The following FMNL2 variants were observed in gnomAD, a reference collection of about 807,000 sequenced individuals.
FMNL2 encodes formin like 2.
Under a neutral mutation model 130.2 loss-of-function variants are expected in FMNL2, and 51 were observed. The ratio of observed to expected loss-of-function variants is 0.39; its 90% CI spans 0.31 to 0.49. The LOEUF (loss-of-function observed/expected upper bound fraction) is 0.49. Among genes scored for constraint, FMNL2 ranks in the 20% least tolerant of loss-of-function variants. The pLI is 0.85. For missense variants in FMNL2, 977 were observed against 1,316.2 expected (o/e 0.74, Z 3.99); for synonymous variants, 465 against 467.1 (o/e 1.00, Z 0.06).
chr2:152,431,701 C>T (rs573256759), intron 1 of FMNL2, among the ~76,000 whole-genome samples: 1 of 152,130 alleles, frequency 6.6e-6, no homozygotes, highest in Non-Finnish European at 1.5e-5. Context: ...GTGTGAGGCT[C>T]ATGCCTGTAA....
chr2:152,633,689 CCTTTT>C (rs1238728106), intron 21 of FMNL2, among the ~76,000 whole-genome samples: 1 of 152,204 alleles, frequency 6.6e-6, no homozygotes, highest in African/African-American at 2.4e-5. Flanking sequence ...TGATTTTCCT[CCTTTT>C]AAGTTTCCCT....
chr2:152,509,737 CTTTTTTTTTTT>C lies in FMNL2; in HGVS notation c.118-12190_118-12180del, dbSNP rs138976882. 4.4e-4 allele frequency among the ~76,000 whole-genome samples: 26 copies of C among 58,686 alleles called. 1 individual carries two copies. Among genetic ancestry groups the C allele is most frequent in the African/African-American group, 1.5e-3 (21 of 14,036 alleles). 38.5% of individuals were successfully genotyped at this position (58,686 alleles called of 152,430 possible). A position where few individuals can be genotyped will look rare whatever the true frequency, so the allele number is the denominator to read the frequency against. On this transcript the variant is annotated intron_variant, in intron 1 of 25. Transcript: ENST00000288670. The stretch of plus-strand genomic sequence containing the variant: ...GAGAAGGTATATCTGTACTCTGGAC[CTTTTTTTTTTT>C]TTTTTTTTTTTTTTTGAGAGAGGGT...
chr2:152,566,367 C>T (rs1368989790), intron 6 of FMNL2, among the ~76,000 whole-genome samples: 1 of 152,174 alleles, frequency 6.6e-6, no homozygotes, highest in Non-Finnish European at 1.5e-5. Flanking sequence ...CTAAGGGCCT[C>T]GGGGGATTTG....
chr2:152,396,795 A>C (rs1579566268), intron 1 of FMNL2, among the ~76,000 whole-genome samples: 1 of 152,162 alleles, frequency 6.6e-6, no homozygotes, highest in East Asian at 1.9e-4. Flanking sequence ...GTGACTTTCC[A>C]CTTGCCATTT....
chr2:152,585,567 AAAT>A (rs1388986190), intron 9 of FMNL2, among the ~76,000 whole-genome samples: 19 of 152,322 alleles, frequency 1.2e-4, no homozygotes, highest in African/African-American at 4.6e-4. Flanking sequence ...CAGGCTTGGA[AAAT>A]GGGCAGGCAT....
chr2:152,410,572 CAGG>C (rs1290486610), intron 1 of FMNL2, among the ~76,000 whole-genome samples: 1 of 152,154 alleles, frequency 6.6e-6, no homozygotes, highest in Non-Finnish European at 1.5e-5. Flanking sequence ...CTCACTGACT[CAGG>C]AGGAATGCTA....
At chr2:152,412,444 T>TTTTATA (rs1313558324) in intron 1 of FMNL2, among the ~76,000 whole-genome samples, 1 of 103,352 alleles carries the variant, frequency 9.7e-6, no homozygotes, top group African/African-American at 4.0e-5. Context: ...CTTCTGTATA[T>TTTTATA]TTTATATATA....
intron 1 of FMNL2, among the ~76,000 whole-genome samples, chr2:152,450,530 G>A (rs898765311): frequency 1.3e-5 from 2 of 152,120 alleles, no homozygotes; most frequent in African/African-American, 2.4e-5. Context: ...TTGTTTATTC[G>A]AAAAACCATT....
intron 1 of FMNL2, among the ~76,000 whole-genome samples, chr2:152,376,439 G>A (rs982461394): frequency 1.3e-5 from 2 of 152,198 alleles, no homozygotes; most frequent in Admixed American, 6.5e-5. Context: ...ACTCTTGGAG[G>A]AGAGGAGGAT....
chr2:152,647,263 T>G (rs1478844758), intron 25 of FMNL2, among the ~76,000 whole-genome samples: 3 of 152,220 alleles, frequency 2.0e-5, no homozygotes, highest in Non-Finnish European at 4.4e-5. Flanking sequence ...TTGAACATCA[T>G]TTTGTTTAAA....
intron 1 of FMNL2, among the ~76,000 whole-genome samples, chr2:152,481,775 C>T (rs192380198): frequency 6.6e-6 from 1 of 152,322 alleles, no homozygotes; most frequent in East Asian, 1.9e-4. Flanking sequence ...AAATTGGTGT[C>T]ATGTTTGCAG....
At chr2:152,455,651 G>C (rs1360978516) in intron 1 of FMNL2, among the ~76,000 whole-genome samples, 1 of 152,186 alleles carries the variant, frequency 6.6e-6, no homozygotes, top group African/African-American at 2.4e-5. Flanking sequence ...ACAAACATAA[G>C]CAGGTAGCTT....
chr2:152,412,449 TATATATATATATATATATATATA>T (rs1686351931), intron 1 of FMNL2, among the ~76,000 whole-genome samples: 18 of 10,340 alleles, frequency 1.7e-3, no homozygotes, highest in East Asian at 4.6e-3. Context: ...GTATATTTTA[TATATATATATATATATATATATA>T]TATATATATA....
chr2:152,633,485 T>C (rs1172463659), intron 21 of FMNL2, among the ~76,000 whole-genome samples: 1 of 152,190 alleles, frequency 6.6e-6, no homozygotes, highest in Non-Finnish European at 1.5e-5. Flanking sequence ...AATAAATGAA[T>C]GAACAAGTGA....
intron 3 of FMNL2, among the ~76,000 whole-genome samples, chr2:152,545,806 A>G (rs1299387549): frequency 6.6e-6 from 1 of 152,194 alleles, no homozygotes; most frequent in South Asian, 2.1e-4. Flanking sequence ...GCAAAGTGTT[A>G]GCACTCATTG....
At chr2:152,611,239 C>T (rs535937023) in intron 10 of FMNL2, among the ~76,000 whole-genome samples, 12 of 151,762 alleles carry the variant, frequency 7.9e-5, no homozygotes, top group African/African-American at 1.5e-4. Context: ...CTCGGGAGGC[C>T]GAGGCAGGAG....
At position 152,626,631 on chromosome 2, in the gene FMNL2, A is replaced by C. The variant is rs1200037947; in HGVS notation, c.2069A>C (p.Lys690Thr). 6.2e-7 allele frequency: 1 copy of C among 1,613,276 alleles called. No homozygotes were observed. The highest frequency in any genetic ancestry group is 2.2e-5 in the East Asian group (1 of 44,852). ...AAGATACCACAGAAGGGATCAAACA[A>C]AGTGACATTACTAGAAGCAAACAGG... ...KQKIPQKGSN[K>T]VTLLEANRAK... Residue 690 changes from lysine to threonine, a missense_variant, in exon 17 of 26, where the codon AAA becomes ACA. Coordinates refer to ENST00000288670, the MANE Select transcript of FMNL2 (RefSeq NM_052905.4).
At chr2:152,598,802 A>G (rs1697894475) in intron 9 of FMNL2, among the ~76,000 whole-genome samples, 1 of 152,240 alleles carries the variant, frequency 6.6e-6, no homozygotes, top group Non-Finnish European at 1.5e-5. Context: ...ACAACAGGAC[A>G]TCTATAGATA....
intron 1 of FMNL2, among the ~76,000 whole-genome samples, chr2:152,466,027 G>T (rs1053600849): frequency 6.6e-6 from 1 of 152,186 alleles, no homozygotes; most frequent in African/African-American, 2.4e-5. Context: ...ACTAGGATTT[G>T]GGAAATTTGA....
Sources: gnomAD v4.1 joint callset for allele counts (sites outside exome capture counted in the v4.1 genomes callset) on GRCh38, gnomAD v4.1.1 for gene constraint, MANE v1.5 for transcripts, NCBI Gene and HGNC (gene_info 2026-07-23, HGNC 2026-07-21) for gene names.